The following MYLK variants were observed in gnomAD, a reference collection of about 807,000 sequenced individuals.
MYLK encodes myosin light chain kinase, smooth muscle.
Under a neutral mutation model 203.4 loss-of-function variants are expected in MYLK, and 106 were observed. The ratio of observed to expected loss-of-function variants is 0.52; its 90% CI spans 0.45 to 0.61. The LOEUF (loss-of-function observed/expected upper bound fraction) is 0.61. Among genes scored for constraint, MYLK ranks in the 20% least tolerant of loss-of-function variants. The pLI is 0.00. For missense variants in MYLK, 2,072 were observed against 2,442.3 expected, an observed-to-expected ratio of 0.85 and a Z score of 3.20; for synonymous variants, 867 against 959.5, an observed-to-expected ratio of 0.90 and a Z score of 1.78.
Position 123,800,066 on chromosome 3 carries a change from G to A in MYLK, c.-3-6222C>T, listed in dbSNP as rs983311717. 4 of 152,192 alleles carry A rather than the reference G, an allele frequency of 2.6e-5. No homozygotes were observed. The East Asian group carries it at 5.8e-4, about 22-fold the overall frequency. The allele number at this position is 152,192 out of a possible 1,614,324, so 9.4% of individuals were successfully genotyped here. On this transcript the variant is annotated intron_variant, in intron 3 of 33. Transcript: ENST00000360304. ...TTCCGCTGAGCAGCCAACTTCACCCGGTCCGGGAGATCTGTTGTTCTAATC... is the reference window on the plus strand; with the variant it reads ...TTCCGCTGAGCAGCCAACTTCACCCAGTCCGGGAGATCTGTTGTTCTAATC...
At position 123,734,088 on chromosome 3, in the gene MYLK, C is replaced by A. The variant is rs750416997; in HGVS notation, c.908G>T (p.Gly303Val). 8.7e-6 allele frequency: 14 copies of A among 1,612,054 alleles called. No individual in the cohort carries two copies. In the South Asian group the frequency reaches 1.5e-4, roughly 18 times the overall value. ...KSKNCSSPQR[G>V]GSPPWAANSQ... ...GTTTGCAGCCCAGGGTGGGGAGCCA[C>A]CTCTCTGGGGGCTGGAGCAGTTCTT... The change falls in exon 10 of 34, where the codon GGT becomes GTT. Residue 303 changes from glycine (G) to valine (V), a missense_variant. This residue lies in a region of MYLK where 683 missense variants were observed against 643.8 expected (regional missense o/e 1.06). Coordinates refer to ENST00000360304, the MANE Select transcript of MYLK (RefSeq NM_053025.4).
intron 13 of MYLK, among the ~76,000 whole-genome samples, chr3:123,711,301 G>C (rs116243674): frequency 6.6e-6 from 1 of 152,110 alleles, no homozygotes; most frequent in African/African-American, 2.4e-5. Context: ...TTTCATGTGT[G>C]TGCATATGTC....
chr3:123,878,853 A>G (rs1397667070), intron 1 of MYLK, among the ~76,000 whole-genome samples: 1 of 152,084 alleles, frequency 6.6e-6, no homozygotes, highest in Non-Finnish European at 1.5e-5. Flanking sequence ...CACCTGGATA[A>G]TTTTGGGATT....
At position 123,732,927 on chromosome 3, in the gene MYLK, C is replaced by A; in HGVS notation, c.1485G>T (p.Gln495His). 6.2e-7 allele frequency: 1 copy of A among 1,614,168 alleles called. No individual in the cohort carries two copies. Among genetic ancestry groups the A allele is most frequent in the South Asian group, 1.1e-5 (1 of 91,072 alleles). Residue 495 changes from glutamine to histidine, a missense_variant, in exon 11 of 34, where the codon CAG becomes CAT. Transcript: ENST00000360304. ...CTTGGAGGGTCCAGCTACAGGACAG[C>A]TGGCCTTGGGCGTTGGAAGCAGTGC... ...YSCTASNAQG[Q>H]LSCSWTLQVE...
At chr3:123,620,698 C>T in intron 31 of MYLK, 1 of 1,031,816 alleles carries the variant, frequency 9.7e-7, no homozygotes. Context: ...TTATTGCTGA[C>T]TGGGCCTAGC....
In MYLK at chr3:123,642,371, C is replaced by T. The variant is rs926983668; in HGVS notation, c.4620-1867G>A. ...AAGGTGCTCAACACTTATTACTTAT[C>T]GTTTGATAAGCTGTGGTGGGCTAGG... is the stretch of plus-strand genomic sequence containing the variant. On this transcript the variant is annotated intron_variant, in intron 27 of 33. Coordinates refer to ENST00000360304, the MANE Select transcript of MYLK (RefSeq NM_053025.4). This position sits in a 1 kb window ranked among gnomAD's most constrained non-coding sequence, Gnocchi z 4.2. Among the ~76,000 whole-genome samples the T allele has an allele frequency of 4.6e-5, 7 of 152,170 alleles. No individual in the cohort carries two copies. The highest frequency in any genetic ancestry group is 1.9e-4 in the East Asian group (1 of 5,194).
intron 11 of MYLK, among the ~76,000 whole-genome samples, chr3:123,731,485 T>C (rs915804409): frequency 1.3e-5 from 2 of 152,202 alleles, no homozygotes; most frequent in African/African-American, 4.8e-5. Flanking sequence ...ATCTTGAACA[T>C]GTTTTAGCAT....
chr3:123,667,017 G>A, intron 21 of MYLK, 120 bp downstream of exon 21: 1 of 863,312 alleles, frequency 1.2e-6, no homozygotes, highest in Non-Finnish European at 2.0e-6. Context: ...GAGGGTGGGG[G>A]TGGGGTTGCA....
chr3:123,791,670 G>A (rs904322349), intron 4 of MYLK, among the ~76,000 whole-genome samples: 14 of 152,116 alleles, frequency 9.2e-5, no homozygotes, highest in African/African-American at 3.4e-4. Context: ...TGACTCATAA[G>A]GAACACATGC....
chr3:123,715,905 C>T (rs1254433215), intron 13 of MYLK: 6 of 152,226 alleles, frequency 3.9e-5, no homozygotes, highest in Non-Finnish European at 5.9e-5. Context: ...GGTCCTGGAT[C>T]CAAATTTGCA....
At chr3:123,825,654 T>C (rs2066090476) in intron 3 of MYLK, among the ~76,000 whole-genome samples, 1 of 152,194 alleles carries the variant, frequency 6.6e-6, no homozygotes, top group Non-Finnish European at 1.5e-5. Flanking sequence ...CACCTCTGGA[T>C]TGCATCCTGC....
chr3:123,667,180 C>T lies in MYLK; in HGVS notation c.3660G>A (p.Ala1220=), dbSNP rs765219262. Reference sequence around the variant, plus strand: ...TGGGGGCAGGTTTCTTTTTCACAGTCGCATCACCTGAAACAAAGAAGTTCA... The same window carrying T: ...TGGGGGCAGGTTTCTTTTTCACAGTTGCATCACCTGAAACAAAGAAGTTCA... ...LPPVLGTESD[A]TVKKKPAPKT... The change falls in exon 21 of 34, where the codon GCG becomes GCA. Residue 1220 remains alanine (A), a synonymous_variant. Transcript: ENST00000360304. The T allele has an allele frequency of 5.0e-5, 81 of 1,613,986 alleles. No homozygotes were observed. The highest frequency in any genetic ancestry group is 2.9e-4 in the South Asian group (26 of 91,070).
At chr3:123,633,112 T>C (rs1303616878) in intron 29 of MYLK, among the ~76,000 whole-genome samples, 1 of 151,940 alleles carries the variant, frequency 6.6e-6, no homozygotes, top group African/African-American at 2.4e-5. Flanking sequence ...ATTTATAAAA[T>C]AGTCATTATT....
chr3:123,725,832 C>G (rs2062259363), intron 12 of MYLK, 112 bp downstream of exon 12: 1 of 1,481,366 alleles, frequency 6.8e-7, no homozygotes, highest in South Asian at 1.3e-5. Context: ...GCTTCCTTCT[C>G]ATACCACCAG....
In MYLK at chr3:123,699,944, C is replaced by G. The variant is rs535677775; in HGVS notation, c.3448+76G>C. 1.0e-5 allele frequency: 16 copies of G among 1,601,162 alleles called. No individual in the cohort carries two copies. The South Asian group carries it at 1.4e-4, about 14-fold the overall frequency. Reference sequence around the variant, plus strand: ...CCTATGGGCTGCTAACAGGGGTCAGCGAGACCAACGCTCCATGAGCTAGGA... The same window carrying G: ...CCTATGGGCTGCTAACAGGGGTCAGGGAGACCAACGCTCCATGAGCTAGGA... On this transcript the variant is annotated intron_variant, in intron 18 of 33. Transcript: ENST00000360304.
intron 1 of MYLK, among the ~76,000 whole-genome samples, chr3:123,883,661 G>A (rs2033680884): frequency 6.6e-6 from 1 of 152,172 alleles, no homozygotes; most frequent in South Asian, 2.1e-4. Flanking sequence ...TCAACAATGG[G>A]ACCCCAGTTA....
intron 8 of MYLK, among the ~76,000 whole-genome samples, chr3:123,736,707 T>C (rs4678049): frequency 0.95 from 144,283 of 152,274 alleles, 68,798 homozygotes; most frequent in East Asian, 1. Flanking sequence ...ACAGAGTAAA[T>C]TATCAGTAAA....
chr3:123,737,079 C>T (rs373092286), intron 8 of MYLK, among the ~76,000 whole-genome samples: 3 of 151,990 alleles, frequency 2.0e-5, no homozygotes, highest in East Asian at 1.9e-4. Context: ...ATCAGCCGGG[C>T]GTGGTGGTGT....
chr3:123,642,377 A>G lies in MYLK; in HGVS notation c.4620-1873T>C, dbSNP rs994957713. ...CTCAACACTTATTACTTATCGTTTGATAAGCTGTGGTGGGCTAGGTGGATC... is the reference window on the plus strand; with the variant it reads ...CTCAACACTTATTACTTATCGTTTGGTAAGCTGTGGTGGGCTAGGTGGATC... On this transcript the variant is annotated intron_variant, in intron 27 of 33. Coordinates refer to ENST00000360304, the MANE Select transcript of MYLK (RefSeq NM_053025.4). The surrounding 1 kb of genome is among the most constrained non-coding windows in gnomAD (Gnocchi z 4.2). Among the ~76,000 whole-genome samples, 1 of 152,166 alleles carries G rather than the reference A, an allele frequency of 6.6e-6. No homozygotes were observed. The highest frequency in any genetic ancestry group is 1.5e-5 in the Non-Finnish European group (1 of 68,040).
Sources: gnomAD v4.1 joint callset for allele counts (sites outside exome capture counted in the v4.1 genomes callset) on GRCh38, gnomAD v4.1.1 for gene constraint, gnomAD v4.1.1 regional missense constraint, Gnocchi (gnomAD v3.1) non-coding constraint, MANE v1.5 for transcripts, NCBI Gene and HGNC (gene_info 2026-07-23, HGNC 2026-07-21) for gene names.